COQ8B: variants seen among roughly 807,000 people sequenced by gnomAD.
COQ8B encodes the protein coenzyme Q8B, also known as atypical kinase COQ8B, mitochondrial.
COQ8B carries 44 observed loss-of-function variants against 62.0 expected under a neutral mutation model. That is an observed-to-expected ratio of 0.71 (90% CI 0.56 to 0.91). The LOEUF is 0.91. Among genes scored for constraint, COQ8B ranks in the 40% least tolerant of loss-of-function variants. COQ8B has a pLI of 0.00. For synonymous variants in COQ8B, 252 were observed against 289.9 expected (o/e 0.87, Z 1.33); for missense variants, 649 against 731.6 (o/e 0.89, Z 1.30).
At chr19:40,700,957 C>T (rs553905025) in intron 10 of COQ8B, 40 of 159,190 alleles carry the variant, frequency 2.5e-4, no homozygotes, top group Admixed American at 2.0e-3. Flanking sequence ...GGGGACAGAG[C>T]AGTGAATGAA....
chr19:40,692,415 G>T, intron 14 of COQ8B, 42 bp from the exon 15 acceptor site: 3 of 1,572,178 alleles, frequency 1.9e-6, no homozygotes, highest in Non-Finnish European at 2.6e-6. Context: ...AGCCAGTGTG[G>T]ACATAGAGCC....
intron 1 of COQ8B, chr19:40,715,273 T>C (rs1443770820): frequency 3.0e-6 from 3 of 985,834 alleles, no homozygotes; most frequent in Admixed American, 6.1e-5. Context: ...TCTGGGGGGA[T>C]TGCTGAGGCA....
chr19:40,692,708 C>G (rs543577598), intron 14 of COQ8B, among the ~76,000 whole-genome samples: 46 of 152,104 alleles, frequency 3.0e-4, no homozygotes, highest in Non-Finnish European at 4.4e-5. Context: ...AGGCAGCCAC[C>G]TCCCCCCACT....
At chr19:40,701,682 G>C (rs1255316810) in intron 10 of COQ8B, among the ~76,000 whole-genome samples, 3 of 152,180 alleles carry the variant, frequency 2.0e-5, no homozygotes, top group Admixed American at 6.5e-5. Flanking sequence ...GCTCTCTGGA[G>C]GCCACTGTAC....
At position 40,692,113 on chromosome 19, in the gene COQ8B, G is replaced by GT; in HGVS notation, c.1556dup (p.Tyr519Ter). The GT allele has an allele frequency of 6.2e-7, 1 of 1,607,642 alleles. No homozygotes were observed. Among genetic ancestry groups the GT allele is most frequent in the Non-Finnish European group, 8.5e-7 (1 of 1,177,374 alleles). ...RDLFQDTYHR[Y>*]WASRQPDAAT... ...CTGCGTCTGGCTGGCGACTGGCCCA[G>GT]TAGCGGTGGTAGGTGTCCTGGAAGA... The change falls in exon 15 of 15, where the codon TAC becomes TAAC. Residue 519 changes from tyrosine (Y) to a stop codon, truncating the protein, a stop_gained and frameshift_variant. Coordinates refer to ENST00000324464, the MANE Select transcript of COQ8B (RefSeq NM_024876.4). LOFTEE classifies it low-confidence loss of function (END_TRUNC).
chr19:40,703,663 T>C, intron 8 of COQ8B, 41 bp from the exon 9 acceptor site: 1 of 1,613,712 alleles, frequency 6.2e-7, no homozygotes, highest in South Asian at 1.1e-5. Flanking sequence ...GGGAGTCACT[T>C]CTCTGGGCTA....
chr19:40,701,823 G>C (rs1476743687), intron 10 of COQ8B, among the ~76,000 whole-genome samples: 3 of 152,162 alleles, frequency 2.0e-5, no homozygotes, highest in African/African-American at 7.2e-5. Flanking sequence ...ACAGAGCTTG[G>C]CACGTTTTAG....
chr19:40,715,238 A>G, intron 1 of COQ8B: 1 of 985,424 alleles, frequency 1.0e-6, no homozygotes, highest in African/African-American at 1.7e-5. Context: ...TGGAGCCTGG[A>G]ATTAAGGTGG....
Position 40,714,060 on chromosome 19 carries a change from C to T in COQ8B, c.289+7G>A, listed in dbSNP as rs375584242. On this transcript the variant is annotated splice_region_variant and intron_variant, in intron 4 of 14. Coordinates refer to ENST00000324464, the MANE Select transcript of COQ8B (RefSeq NM_024876.4). ...GTCACACCAAGATCCCCCAAAGTCA[C>T]ACCTACCCCCAAAGTTGGCCAAGCG... 1.9e-6 allele frequency: 3 copies of T among 1,613,978 alleles called. No homozygotes were observed. In the African/African-American group the frequency reaches 4.0e-5, roughly 22 times the overall value.
Position 40,700,084 on chromosome 19 carries a change from C to T in COQ8B, c.1126G>A (p.Asp376Asn). ...GAACCAACCTGGTGGCTGGAGGCAT[C>T]ATACAGGAAGTTGGCCCAGTTGGGG... is the stretch of plus-strand genomic sequence containing the variant. ...TDPNWANFLY[D>N]ASSHQVTLLD... Residue 376 changes from aspartate to asparagine, a missense_variant, in exon 12 of 15, where the codon GAT (aspartate) becomes AAT (asparagine). By Grantham distance (23) the Asp-to-Asn change is conservative. Coordinates refer to ENST00000324464, the MANE Select transcript of COQ8B (RefSeq NM_024876.4). 6.2e-7 allele frequency: 1 copy of T among 1,614,230 alleles called. No homozygotes were observed. Among genetic ancestry groups the T allele is most frequent in the East Asian group, 2.2e-5 (1 of 44,894 alleles).
intron 12 of COQ8B, among the ~76,000 whole-genome samples, chr19:40,697,849 T>TAGAGAGAGAGAGAGAGAG (rs1224275474): frequency 1.5e-4 from 9 of 60,704 alleles, no homozygotes; most frequent in African/African-American, 5.7e-4. Context: ...TATATATATA[T>TAGAGAGAGAGAGAGAGAG]ATAGAGAGAG....
At chr19:40,695,867 G>C in intron 13 of COQ8B, 122 bp downstream of exon 13, 1 of 1,020,758 alleles carries the variant, frequency 9.8e-7, no homozygotes, top group Non-Finnish European at 1.5e-6. Context: ...GTTGCTACGA[G>C]TATTACTATT....
At chr19:40,707,456 GT>G (rs544149159) in intron 5 of COQ8B, among the ~76,000 whole-genome samples, 47 of 142,086 alleles carry the variant, frequency 3.3e-4, no homozygotes, top group Non-Finnish European at 3.1e-4. Flanking sequence ...TTTACTTAGT[GT>G]TTTTTTTTTT....
chr19:40,695,769 C>A (rs2082010144), intron 13 of COQ8B, among the ~76,000 whole-genome samples: 1 of 152,156 alleles, frequency 6.6e-6, no homozygotes, highest in African/African-American at 2.4e-5. Flanking sequence ...CGGTCCTTTT[C>A]GCATTGTGTT....
Position 40,710,130 on chromosome 19 carries a change from G to A in COQ8B, c.296C>T (p.Ala99Val). 6.2e-7 allele frequency: 1 copy of A among 1,614,056 alleles called. No homozygotes were observed. Among genetic ancestry groups the A allele is most frequent in the Non-Finnish European group, 8.5e-7 (1 of 1,179,928 alleles). The change falls in exon 5 of 15, where the codon GCT becomes GTT. Residue 99 changes from alanine (A) to valine (V), a missense_variant. Transcript: ENST00000324464. ...ISRLANFGGL[A>V]VGLGLGVLAE... ...CAGTACTCCTAGCCCCAAGCCCACA[G>A]CCAGTCCTGGAGTGCAAGAGAAGAA...
chr19:40,705,571 G>C, intron 5 of COQ8B, 124 bp from the exon 6 acceptor site: 1 of 1,078,538 alleles, frequency 9.3e-7, no homozygotes, highest in Admixed American at 2.9e-5. Context: ...AGGAGTCTGA[G>C]ACCAGTCTGG....
At position 40,702,588 on chromosome 19, in the gene COQ8B, C is replaced by T. The variant is rs928546834; in HGVS notation, c.893+12G>A. 1.9e-6 allele frequency: 3 copies of T among 1,612,756 alleles called. No homozygotes were observed. The highest frequency in any genetic ancestry group is 3.3e-5 in the Admixed American group (2 of 59,998). On this transcript the variant is annotated intron_variant, in intron 10 of 14. Transcript: ENST00000324464. ...GGGAGGGAAGGAGGGAAGCTCAGGG[C>T]ACTCAGCTCACCTGAAATTCTGGGC... is the stretch of plus-strand genomic sequence containing the variant.
Position 40,716,768 on chromosome 19 carries a change from C to G in COQ8B, c.-185G>C, listed in dbSNP as rs2082188005. 2 of 156,312 alleles carry G rather than the reference C, an allele frequency of 1.3e-5. No individual in the cohort carries two copies. The highest frequency in any genetic ancestry group is 4.8e-5 in the African/African-American group (2 of 41,606). 9.7% of individuals were successfully genotyped at this position (156,312 alleles called of 1,614,324 possible). ...GGGTTTTAGGGAAGGTTGAACTTGT[C>G]ATTCAACCGTGTAGGGAGGGTGGTT... is the stretch of plus-strand genomic sequence containing the variant. On this transcript the variant is annotated 5_prime_UTR_variant, in exon 1 of 15. An upstream start codon of the reference 5' UTR is lost. Transcript: ENST00000324464.
intron 4 of COQ8B, 105 bp from the exon 5 acceptor site, chr19:40,710,241 CTT>C: frequency 9.3e-7 from 1 of 1,079,360 alleles, no homozygotes; most frequent in Non-Finnish European, 1.4e-6. Context: ...TCTCCCAACT[CTT>C]TTTATTTTTT....
Sources: allele counts gnomAD v4.1 joint callset (sites outside exome capture counted in the v4.1 genomes callset), GRCh38; gene constraint gnomAD v4.1.1; transcripts MANE v1.5; gene names NCBI Gene and HGNC (gene_info 2026-07-23, HGNC 2026-07-21).